The following DCAKD variants were observed in gnomAD, a reference collection of about 807,000 sequenced individuals.
DCAKD encodes the protein dephospho-CoA kinase domain containing, also known as dephospho-CoA kinase domain-containing protein.
Under a neutral mutation model 18.7 loss-of-function variants are expected in DCAKD, and 15 were observed. The ratio of observed to expected loss-of-function variants is 0.80; its 90% CI spans 0.54 to 1.24. The LOEUF is 1.24. Ranked by LOEUF, DCAKD falls within the 50% of genes most tolerant of loss-of-function variation. The pLI, the probability that DCAKD is intolerant of heterozygous loss-of-function variation, is 0.00. For synonymous variants in DCAKD, 130 were observed against 133.0 expected, an observed-to-expected ratio of 0.98 and a Z score of 0.16; for missense variants, 301 against 322.0, an observed-to-expected ratio of 0.93 and a Z score of 0.50.
chr17:45,054,132 A>G (rs747098989), upstream of DCAKD: 2 of 518,832 alleles, frequency 3.9e-6, no homozygotes, highest in Admixed American at 1.9e-5. Flanking sequence ...TCTTGTGTCC[A>G]AAAGGGCCAT....
At chr17:45,053,169 TAAAAAAAAAAAAAA>T (rs760029893), upstream of DCAKD, among the ~76,000 whole-genome samples, 1 of 75,746 alleles carries the variant, frequency 1.3e-5, no homozygotes, top group Non-Finnish European at 2.1e-5. Flanking sequence ...TGTCTCCAGT[TAAAAAAAAAAAAAA>T]AAAAAAAAAA....
At chr17:45,031,473 A>G (rs1415653570) in intron 3 of DCAKD, 1 of 961,442 alleles carries the variant, frequency 1.0e-6, no homozygotes, top group Non-Finnish European at 1.2e-6. Flanking sequence ...GTAAAGATGA[A>G]ATGAGCCTTG....
intron 1 of DCAKD, among the ~76,000 whole-genome samples, chr17:45,050,857 A>G (rs750038142): frequency 6.6e-6 from 1 of 152,244 alleles, no homozygotes; most frequent in African/African-American, 2.4e-5. Context: ...TGAAATGCCA[A>G]CGCCTCCTTT....
At chr17:45,040,796 C>T (rs959091391) in intron 1 of DCAKD, among the ~76,000 whole-genome samples, 2 of 152,118 alleles carry the variant, frequency 1.3e-5, no homozygotes, top group Non-Finnish European at 2.9e-5. Flanking sequence ...TGTGAAATGA[C>T]GATCAGATTC....
At chr17:45,055,733 C>G (rs1458053357), upstream of DCAKD, among the ~76,000 whole-genome samples, 2 of 152,216 alleles carry the variant, frequency 1.3e-5, no homozygotes, top group Non-Finnish European at 2.9e-5. Flanking sequence ...TTCTTAGGCA[C>G]TGTGCTAGAA....
At chr17:45,053,303 G>C (rs1381074177), upstream of DCAKD, among the ~76,000 whole-genome samples, 1 of 149,108 alleles carries the variant, frequency 6.7e-6, no homozygotes, top group African/African-American at 2.5e-5. Context: ...TATTGCCCAG[G>C]CTGGGGTGCA....
chr17:45,058,531 C>T (rs567187582), intron 1 of DCAKD, among the ~76,000 whole-genome samples: 4 of 151,872 alleles, frequency 2.6e-5, no homozygotes, highest in East Asian at 4.0e-4. Context: ...AAGATTCTCG[C>T]GTCTCAGCCT....
intron 1 of DCAKD, among the ~76,000 whole-genome samples, chr17:45,050,240 C>T (rs1433476445): frequency 6.6e-6 from 1 of 151,900 alleles, no homozygotes; most frequent in Admixed American, 6.6e-5. Flanking sequence ...ACGGGGGTTT[C>T]ACCATGTTGA....
At chr17:45,050,905 C>T (rs966973410) in intron 1 of DCAKD, among the ~76,000 whole-genome samples, 2 of 152,228 alleles carry the variant, frequency 1.3e-5, no homozygotes, top group Non-Finnish European at 2.9e-5. Context: ...GGCCGGATGG[C>T]CTCCCTCACT....
In DCAKD at chr17:45,023,431, C is replaced by A; in HGVS notation, c.*1002G>T. 6.6e-6 allele frequency: 1 copy of A among 152,230 alleles called. No homozygotes were observed. Among genetic ancestry groups the A allele is most frequent in the Non-Finnish European group, 1.5e-5 (1 of 68,036 alleles). 9.4% of individuals were successfully genotyped at this position (152,230 alleles called of 1,614,324 possible). On this transcript the variant is annotated 3_prime_UTR_variant, in exon 5 of 5. Coordinates refer to ENST00000651974, the MANE Select transcript of DCAKD (RefSeq NM_001288655.2). ...ACTAAGAACACAGAGATGAATAAGA[C>A]ACTGTCCCTGTCCCTAGAGGGCTTA...
intron 4 of DCAKD, among the ~76,000 whole-genome samples, chr17:45,025,313 T>G (rs771189074): frequency 1.3e-5 from 2 of 152,138 alleles, no homozygotes; most frequent in African/African-American, 2.4e-5. Flanking sequence ...ATGGTATCTC[T>G]TGTGCTTAAT....
rs141937168 is a variant in DCAKD at position 45,060,943 on chromosome 17, C to A, written c.-173G>T. On this transcript the variant is annotated 5_prime_UTR_variant, in exon 1 of 5. Transcript: ENST00000310604. Reference sequence around the variant, plus strand: ...CAATAACGGCTCCCAGCGGCCCAGGCACTGGCAAGGGCAGGCTGAAATCAA... The same window carrying A: ...CAATAACGGCTCCCAGCGGCCCAGGAACTGGCAAGGGCAGGCTGAAATCAA... The A allele has an allele frequency of 4.1e-4, 356 of 860,060 alleles. 2 individuals are homozygous for A. Among genetic ancestry groups the A allele is most frequent in the African/African-American group, 3.8e-3 (210 of 54,678 alleles). 53.3% of individuals were successfully genotyped at this position (860,060 alleles called of 1,614,324 possible). A position where few individuals can be genotyped will look rare whatever the true frequency, so the allele number is the denominator to read the frequency against.
rs770944283 is a variant in DCAKD at position 45,024,731 on chromosome 17, A to G, written c.405-7T>C. 5.8e-6 allele frequency: 9 copies of G among 1,560,446 alleles called. No individual in the cohort carries two copies. Among genetic ancestry groups the G allele is most frequent in the Non-Finnish European group, 7.8e-6 (9 of 1,149,698 alleles). On this transcript the variant is annotated splice_region_variant and splice_polypyrimidine_tract_variant and intron_variant, in intron 4 of 4. Transcript: ENST00000651974. Reference sequence around the variant, plus strand: ...CAGCTGTGTGTCCCGGTCGCTAAGGATAGGGCAAAAGGGCACTGTAGGTCC... The same window carrying G: ...CAGCTGTGTGTCCCGGTCGCTAAGGGTAGGGCAAAAGGGCACTGTAGGTCC...
At chr17:45,050,925 G>A (rs1057030870) in intron 1 of DCAKD, among the ~76,000 whole-genome samples, 1 of 152,212 alleles carries the variant, frequency 6.6e-6, no homozygotes, top group African/African-American at 2.4e-5. Flanking sequence ...TAGTTGGTGG[G>A]CGTGAGATCC....
intron 4 of DCAKD, chr17:45,026,430 G>A (rs1380491734): frequency 1.6e-5 from 3 of 183,130 alleles, no homozygotes; most frequent in African/African-American, 4.8e-5. Flanking sequence ...GTTTCACCAT[G>A]TTAGCCAGGA....
At chr17:45,025,006 GC>G (rs1399647014) in intron 4 of DCAKD, among the ~76,000 whole-genome samples, 7 of 123,674 alleles carry the variant, frequency 5.7e-5, no homozygotes, top group East Asian at 2.1e-4. Flanking sequence ...TTTGGCCACA[GC>G]TCTTTTTTTT....
chr17:45,034,452 A>G (rs2053244435), intron 2 of DCAKD, 62 bp from the exon 3 acceptor site: 34 of 1,582,730 alleles, frequency 2.1e-5, no homozygotes, highest in Non-Finnish European at 2.8e-5. Flanking sequence ...AGAGGACCTC[A>G]GTGACCAGGG....
chr17:45,046,428 C>T (rs1413131681), intron 1 of DCAKD, among the ~76,000 whole-genome samples: 1 of 151,880 alleles, frequency 6.6e-6, no homozygotes, highest in Admixed American at 6.6e-5. Flanking sequence ...CCAGCCTGGC[C>T]AATATGGTGA....
chr17:45,037,695 G>C (rs2053334538), intron 1 of DCAKD, among the ~76,000 whole-genome samples: 2 of 149,996 alleles, frequency 1.3e-5, no homozygotes, highest in African/African-American at 2.5e-5. Flanking sequence ...CCTGACCTCA[G>C]GTGATCCACC....
Sources: gnomAD v4.1 joint callset for allele counts (sites outside exome capture counted in the v4.1 genomes callset) on GRCh38, gnomAD v4.1.1 for gene constraint, MANE v1.5 for transcripts, NCBI Gene and HGNC (gene_info 2026-07-23, HGNC 2026-07-21) for gene names.